ROBO2: variants seen among roughly 807,000 people sequenced by gnomAD.
ROBO2 encodes the protein roundabout homolog 2.
Under a neutral mutation model 160.8 loss-of-function variants are expected in ROBO2, and 53 were observed. The ratio of observed to expected loss-of-function variants is 0.33; its 90% confidence interval spans 0.26 to 0.41. The LOEUF (loss-of-function observed/expected upper bound fraction) is 0.41, where lower values mean the gene tolerates loss of function less well. Among genes scored for constraint, ROBO2 ranks in the 10% least tolerant of loss-of-function variants. ROBO2 has a pLI of 1.00. For missense variants in ROBO2, 1,577 were observed against 1,722.4 expected (o/e 0.92, Z 1.49); for synonymous variants, 664 against 611.7 (o/e 1.09, Z -1.26).
chr3:75,931,810 T>C (rs557964344), intron 1 of ROBO2, among the ~76,000 whole-genome samples: 55 of 152,204 alleles, frequency 3.6e-4, no homozygotes, highest in African/African-American at 1.3e-3. Context: ...CTCTTCTCTT[T>C]TCTTAGTTGG....
chr3:76,955,578 G>A (rs989016284), intron 2 of ROBO2, among the ~76,000 whole-genome samples: 2 of 152,020 alleles, frequency 1.3e-5, no homozygotes, highest in Non-Finnish European at 2.9e-5. Flanking sequence ...TTGTGGGTTT[G>A]ATTTGCCTTT....
At chr3:76,117,942 C>T (rs2070548650) in intron 2 of ROBO2, among the ~76,000 whole-genome samples, 2 of 151,904 alleles carry the variant, frequency 1.3e-5, no homozygotes, top group Admixed American at 1.3e-4. Flanking sequence ...CAACATTTTG[C>T]TTTCTATAAA....
intron 2 of ROBO2, among the ~76,000 whole-genome samples, chr3:77,176,957 T>C (rs1023949127): frequency 6.6e-6 from 1 of 151,986 alleles, no homozygotes; most frequent in African/African-American, 2.4e-5. Context: ...TTACAAAGCA[T>C]GTCTTCAAAT....
chr3:76,703,262 G>C (rs535659799), intron 2 of ROBO2, among the ~76,000 whole-genome samples: 1 of 152,174 alleles, frequency 6.6e-6, no homozygotes, highest in African/African-American at 2.4e-5. Context: ...TAAGGACTTA[G>C]GTCGCAACAT....
intron 2 of ROBO2, among the ~76,000 whole-genome samples, chr3:76,794,380 A>C (rs1231945898): frequency 2.0e-5 from 3 of 152,012 alleles, no homozygotes; most frequent in African/African-American, 4.8e-5. Context: ...TGTTAATAAT[A>C]GTCTTCTAGC....
At chr3:76,534,804 A>G (rs9883069) in intron 2 of ROBO2, among the ~76,000 whole-genome samples, 104,780 of 151,938 alleles carry the variant, frequency 0.69, 36,483 homozygotes, top group African/African-American at 0.78. Context: ...GTAGGAAAGC[A>G]AGGAGTCCTG....
At chr3:77,288,469 G>A (rs901625582) in intron 2 of ROBO2, among the ~76,000 whole-genome samples, 2 of 152,138 alleles carry the variant, frequency 1.3e-5, no homozygotes, top group African/African-American at 4.8e-5. Flanking sequence ...TGGATTTTGT[G>A]TCTTATGGTC....
chr3:76,046,952 A>G (rs906352813), intron 2 of ROBO2, among the ~76,000 whole-genome samples: 14 of 152,162 alleles, frequency 9.2e-5, no homozygotes, highest in Non-Finnish European at 1.9e-4. Context: ...CACATTTCTG[A>G]CACCATCTTG....
intron 13 of ROBO2, among the ~76,000 whole-genome samples, chr3:77,572,443 G>A (rs1179799634): frequency 6.6e-6 from 1 of 151,776 alleles, no homozygotes; most frequent in African/African-American, 2.4e-5. Flanking sequence ...AACATAAACT[G>A]GTAGCATGAA....
intron 2 of ROBO2, among the ~76,000 whole-genome samples, chr3:75,999,790 A>C (rs2107555379): frequency 6.6e-6 from 1 of 152,338 alleles, no homozygotes; most frequent in Admixed American, 6.5e-5. Context: ...AAGAGATTAA[A>C]AACTGATGAG....
intron 2 of ROBO2, among the ~76,000 whole-genome samples, chr3:76,712,486 C>T (rs1475241924): frequency 6.6e-6 from 1 of 151,984 alleles, no homozygotes; most frequent in East Asian, 1.9e-4. Context: ...ACCAGCCCGG[C>T]CAACATGGTG....
At chr3:76,929,890 G>A (rs2077228813) in intron 2 of ROBO2, among the ~76,000 whole-genome samples, 1 of 152,096 alleles carries the variant, frequency 6.6e-6, no homozygotes, top group South Asian at 2.1e-4. Flanking sequence ...CCCATTCTGT[G>A]GTTTCCATTC....
chr3:77,082,725 C>T (rs2068802843), intron 1 of ROBO2, among the ~76,000 whole-genome samples: 1 of 151,674 alleles, frequency 6.6e-6, no homozygotes, highest in Admixed American at 6.6e-5. Context: ...TATATACACA[C>T]ACAATAGTGT....
intron 2 of ROBO2, among the ~76,000 whole-genome samples, chr3:77,387,670 G>A (rs752889591): frequency 9.9e-5 from 15 of 151,594 alleles, no homozygotes; most frequent in Non-Finnish European, 7.4e-5. Context: ...AAGCTGAGTC[G>A]TACAAGAATC....
At chr3:76,115,894 C>T (rs2070448989) in intron 2 of ROBO2, among the ~76,000 whole-genome samples, 1 of 152,104 alleles carries the variant, frequency 6.6e-6, no homozygotes, top group African/African-American at 2.4e-5. Context: ...TGCTATGCCA[C>T]ATAGATTTCA....
At chr3:76,493,440 A>T (rs886503974) in intron 2 of ROBO2, among the ~76,000 whole-genome samples, 1 of 131,086 alleles carries the variant, frequency 7.6e-6, no homozygotes, top group Non-Finnish European at 1.6e-5. Flanking sequence ...TTTCTTGATG[A>T]GTCTCATATC....
At chr3:76,454,907 G>A (rs900771049) in intron 2 of ROBO2, among the ~76,000 whole-genome samples, 9 of 151,870 alleles carry the variant, frequency 5.9e-5, no homozygotes, top group African/African-American at 2.2e-4. Flanking sequence ...CAACATTCTA[G>A]AAAACAACCT....
chr3:76,410,675 G>T (rs910610889), intron 2 of ROBO2, among the ~76,000 whole-genome samples: 10 of 152,114 alleles, frequency 6.6e-5, no homozygotes, highest in Non-Finnish European at 1.0e-4. Flanking sequence ...TAGAAGAAGA[G>T]AAATGTTTCT....
intron 2 of ROBO2, among the ~76,000 whole-genome samples, chr3:76,245,550 G>A (rs1173830361): frequency 6.6e-6 from 1 of 151,976 alleles, no homozygotes; most frequent in Non-Finnish European, 1.5e-5. Context: ...TAAAATAAAT[G>A]ATTTTGGTTT....
Sources: allele counts gnomAD v4.1 joint callset (sites outside exome capture counted in the v4.1 genomes callset), GRCh38; gene constraint gnomAD v4.1.1; transcripts MANE v1.5; gene names NCBI Gene and HGNC (gene_info 2026-07-23, HGNC 2026-07-21).